Variants in PCIF1 observed in about 807,000 individuals in gnomAD.
PCIF1 encodes the protein mRNA (2'-O-methyladenosine-N(6)-)-methyltransferase.
Under a neutral mutation model 86.9 loss-of-function variants are expected in PCIF1, and 12 were observed. That is an observed-to-expected ratio of 0.14 (90% confidence interval 0.09 to 0.22). The LOEUF is 0.22. Among genes scored for constraint, PCIF1 ranks in the 10% least tolerant of loss-of-function variants. PCIF1 has a pLI of 1.00. For synonymous variants in PCIF1, 397 were observed against 372.0 expected (o/e 1.07, Z -0.77); for missense variants, 701 against 951.1 (o/e 0.74, Z 3.46).
chr20:45,936,507 A>C (rs936737664), intron 1 of PCIF1, among the ~76,000 whole-genome samples: 65 of 149,884 alleles, frequency 4.3e-4, no homozygotes, highest in Non-Finnish European at 7.4e-4. Context: ...TTTTTAAGAG[A>C]TGAGGTCTTG....
intron 2 of PCIF1, chr20:45,937,818 C>T: frequency 2.7e-6 from 1 of 374,538 alleles, no homozygotes; most frequent in East Asian, 3.8e-5. Flanking sequence ...TTTTCCCTTC[C>T]TAAATTAAGG....
At chr20:45,941,232 C>G (rs753409911) in intron 7 of PCIF1, 25 bp downstream of exon 7, 3 of 1,565,418 alleles carry the variant, frequency 1.9e-6, no homozygotes, top group Non-Finnish European at 2.6e-6. Flanking sequence ...GCTGCAGCCT[C>G]CTTTATTTCC....
intron 11 of PCIF1, among the ~76,000 whole-genome samples, chr20:45,945,452 C>T (rs1378474292): frequency 2.0e-5 from 3 of 152,232 alleles, no homozygotes; most frequent in Admixed American, 2.0e-4. Context: ...CCTGAGCCTT[C>T]TTGCCTGACA....
Position 45,947,635 on chromosome 20 carries a change from T to C in PCIF1, c.1995T>C (p.Ala665=), listed in dbSNP as rs2083544749. The C allele has an allele frequency of 1.2e-6, 2 of 1,612,550 alleles. No individual in the cohort carries two copies. Among genetic ancestry groups the C allele is most frequent in the South Asian group, 2.2e-5 (2 of 91,086 alleles). ...CTGAACGGCTGCAGGAGCTGAGTGCTGCCTACCGGCAGTCAGGCCGCAGCC... is the reference window on the plus strand; with the variant it reads ...CTGAACGGCTGCAGGAGCTGAGTGCCGCCTACCGGCAGTCAGGCCGCAGCC... ...PTPERLQELS[A]AYRQSGRSHS... is the part of the protein sequence containing the mutation. The change falls in exon 17 of 17, where the codon GCT becomes GCC. Residue 665 remains alanine, a synonymous_variant. Transcript: ENST00000372409. This position sits in a 1 kb window ranked among gnomAD's most constrained non-coding sequence, Gnocchi z 5.4.
At position 45,947,256 on chromosome 20, in the gene PCIF1, T is replaced by TC. The variant is rs2083538101; in HGVS notation, c.1708-5dup. On this transcript the variant is annotated splice_polypyrimidine_tract_variant and splice_region_variant and intron_variant, in intron 15 of 16. Transcript: ENST00000372409. This position sits in a 1 kb window ranked among gnomAD's most constrained non-coding sequence, Gnocchi z 5.4. ...CCCTGACATCCACCCTGTGTCCCCTTCCACAGAGACTGCTTGAGAGCTCAC... is the reference window on the plus strand; with the variant it reads ...CCCTGACATCCACCCTGTGTCCCCTTCCCACAGAGACTGCTTGAGAGCTCAC... 1 of 1,608,426 alleles carries TC rather than the reference T, an allele frequency of 6.2e-7. No homozygotes were observed. Among genetic ancestry groups the TC allele is most frequent in the South Asian group, 1.1e-5 (1 of 90,796 alleles).
chr20:45,940,687 C>A, intron 5 of PCIF1, 75 bp downstream of exon 5: 1 of 1,575,104 alleles, frequency 6.3e-7, no homozygotes, highest in Non-Finnish European at 8.6e-7. Flanking sequence ...CCTGCAGGGG[C>A]TGGGCATTGG....
rs1049242732 is a variant in PCIF1, at chr20:45,947,019, C to A, written c.1614-54C>A. The A allele has an allele frequency of 4.7e-6, 7 of 1,492,532 alleles. No individual in the cohort carries two copies. Among genetic ancestry groups the A allele is most frequent in the Non-Finnish European group, 6.4e-6 (7 of 1,088,964 alleles). The allele number at this position is 1,492,532 out of a possible 1,614,324, so 92.5% of individuals were successfully genotyped here. A position where few individuals can be genotyped will look rare whatever the true frequency, so the allele number is the denominator to read the frequency against. ...TAGGGTTGGGGGGTGGCACCTGTTT[C>A]TGGTTGAGGGACTGGGTCCTGATGG... On this transcript the variant is annotated intron_variant, in intron 14 of 16. Transcript: ENST00000372409. The surrounding 1 kb of genome is among the most constrained non-coding windows in gnomAD (Gnocchi z 5.4).
At chr20:45,946,731 A>G (rs2083530516) in intron 14 of PCIF1, among the ~76,000 whole-genome samples, 1 of 152,158 alleles carries the variant, frequency 6.6e-6, no homozygotes, top group Non-Finnish European at 1.5e-5. Flanking sequence ...AGATGAGAGA[A>G]GGTAATGCTG....
At chr20:45,938,244 TTAGA>T (rs2083442475) in intron 2 of PCIF1, among the ~76,000 whole-genome samples, 2 of 152,334 alleles carry the variant, frequency 1.3e-5, no homozygotes, top group Admixed American at 1.3e-4. Context: ...AAGGAGTCAA[TTAGA>T]TAGTCCTTCT....
At chr20:45,942,715 A>G (rs933548970) in intron 7 of PCIF1, among the ~76,000 whole-genome samples, 2 of 150,392 alleles carry the variant, frequency 1.3e-5, no homozygotes, top group African/African-American at 4.9e-5. Flanking sequence ...CCCGGGTTCA[A>G]GCGATCCTCC....
chr20:45,943,859 T>TC lies in PCIF1; in HGVS notation c.1005+99dup. 2 of 1,001,652 alleles carry TC rather than the reference T, an allele frequency of 2.0e-6. No homozygotes were observed. Among genetic ancestry groups the TC allele is most frequent in the Non-Finnish European group, 3.0e-6 (2 of 665,802 alleles). 62.0% of individuals were successfully genotyped at this position (1,001,652 alleles called of 1,614,324 possible). A position where few individuals can be genotyped will look rare whatever the true frequency, so the allele number is the denominator to read the frequency against. ...CTGCCTGTCCAGGCTGGGCAAGGCC[T>TC]CCCCCAGCGGCCTATTCTTGTGCAG... On this transcript the variant is annotated intron_variant, in intron 10 of 16. Transcript: ENST00000372409. This position sits in a 1 kb window ranked among gnomAD's most constrained non-coding sequence, Gnocchi z 5.5.
At chr20:45,940,020 G>A (rs2083456413) in intron 4 of PCIF1, among the ~76,000 whole-genome samples, 1 of 152,144 alleles carries the variant, frequency 6.6e-6, no homozygotes, top group African/African-American at 2.4e-5. Flanking sequence ...GTGAGTTCAG[G>A]GCCACACTAC....
In PCIF1 at chr20:45,940,403, G is replaced by A. The variant is rs1026766692; in HGVS notation, c.250-72G>A. 1.6e-5 allele frequency: 24 copies of A among 1,482,682 alleles called. 1 individual carries two copies. Among genetic ancestry groups the A allele is most frequent in the South Asian group, 1.3e-4 (10 of 74,832 alleles). 91.8% of individuals were successfully genotyped at this position (1,482,682 alleles called of 1,614,324 possible). On this transcript the variant is annotated intron_variant, in intron 4 of 16. Transcript: ENST00000372409. ...GGAGTAGGAGCAGGGGTGGGAGGGC[G>A]TGAGGATTCAAAGTCCTGTGGCTCC...
In PCIF1 at chr20:45,947,683, G is replaced by A. The variant is rs745774162; in HGVS notation, c.2043G>A (p.Ser681=). The change falls in exon 17 of 17, where the codon TCG becomes TCA. Residue 681 remains serine (S), a synonymous_variant. Transcript: ENST00000372409. The surrounding 1 kb of genome is among the most constrained non-coding windows in gnomAD (Gnocchi z 5.4). ...GRSHSSGSSS[S]SSSEAKDRDS... is the part of the protein sequence containing the mutation. ...GCCACAGCTCTGGTTCTTCCTCATC[G>A]TCCTCCTCGGAGGCCAAGGACCGGG... 13 of 1,610,540 alleles carry A rather than the reference G, an allele frequency of 8.1e-6. No individual in the cohort carries two copies. The highest frequency in any genetic ancestry group is 3.3e-4 in the Middle Eastern group (2 of 6,052).
intron 13 of PCIF1, 30 bp from the exon 14 acceptor site, chr20:45,946,170 C>T (rs2083524090): frequency 1.9e-6 from 3 of 1,614,136 alleles, no homozygotes; most frequent in Non-Finnish European, 2.5e-6. Flanking sequence ...GGAGGGTGAG[C>T]CCCAGGTGCT....
At chr20:45,936,769 A>G (rs1159119909) in intron 1 of PCIF1, among the ~76,000 whole-genome samples, 1 of 152,044 alleles carries the variant, frequency 6.6e-6, no homozygotes, top group Admixed American at 6.5e-5. Context: ...CGTCTCTACT[A>G]AAAGTACAGA....
At chr20:45,939,191 G>T (rs964088394) in intron 3 of PCIF1, 24 bp from the exon 4 acceptor site, 1 of 1,613,986 alleles carries the variant, frequency 6.2e-7, no homozygotes, top group Non-Finnish European at 8.5e-7. Context: ...CCTGACCCTG[G>T]CTGGGCTCCG....
rs2145855543 is a variant in PCIF1, at chr20:45,934,748, A to C, written c.-244A>C. On this transcript the variant is annotated 5_prime_UTR_variant, in exon 1 of 17. Coordinates refer to ENST00000372409, the MANE Select transcript of PCIF1 (RefSeq NM_022104.4). ...CTGGGGAGGGCGAGGCGGAGGCGGC[A>C]AAACGGGCGGTCGAGCAGAACGTGT... 4 of 398,762 alleles carry C rather than the reference A, an allele frequency of 1.0e-5. No homozygotes were observed. 24.7% of individuals were successfully genotyped at this position (398,762 alleles called of 1,614,324 possible).
intron 4 of PCIF1, among the ~76,000 whole-genome samples, 164 bp downstream of exon 4, chr20:45,939,503 T>C (rs1239007461): frequency 6.6e-6 from 1 of 152,040 alleles, no homozygotes; most frequent in Non-Finnish European, 1.5e-5. Context: ...GAACCTACAC[T>C]CAAATGGGGT....
Sources: allele counts gnomAD v4.1 joint callset (sites outside exome capture counted in the v4.1 genomes callset), GRCh38; gene constraint gnomAD v4.1.1; non-coding constraint Gnocchi (gnomAD v3.1); transcripts MANE v1.5; gene names NCBI Gene and HGNC (gene_info 2026-07-23, HGNC 2026-07-21).